The following SPECC1 variants were observed in gnomAD, a reference collection of about 807,000 sequenced individuals.
The protein encoded by SPECC1 is sperm antigen with calponin homology and coiled-coil domains 1.
Under a neutral mutation model 104.1 loss-of-function variants are expected in SPECC1, and 62 were observed. The observed-to-expected ratio is 0.60, with a 90% CI of 0.49 to 0.74. The LOEUF (loss-of-function observed/expected upper bound fraction) is 0.74, where lower values mean the gene tolerates loss of function less well. Ranked by LOEUF, SPECC1 falls within the 30% of genes least tolerant of loss-of-function variation. SPECC1 has a pLI of 0.00. For missense variants in SPECC1, 1,306 were observed against 1,310.5 expected (o/e 1.00, Z 0.05); for synonymous variants, 513 against 501.6 (o/e 1.02, Z -0.30).
intron 3 of SPECC1, among the ~76,000 whole-genome samples, chr17:20,190,367 A>G (rs2035580429): frequency 6.7e-6 from 1 of 149,878 alleles, no homozygotes; most frequent in Admixed American, 6.7e-5. Context: ...GAACCAGGAC[A>G]AGGAGCTTAT....
At chr17:20,021,191 C>T (rs1292350056) in intron 1 of SPECC1, among the ~76,000 whole-genome samples, 1 of 151,850 alleles carries the variant, frequency 6.6e-6, no homozygotes. Flanking sequence ...AGGGGTTGGT[C>T]TTGCTGTCTT....
At chr17:20,287,000 T>G (rs1170439986) in intron 12 of SPECC1, among the ~76,000 whole-genome samples, 1 of 152,214 alleles carries the variant, frequency 6.6e-6, no homozygotes, top group Non-Finnish European at 1.5e-5. Flanking sequence ...CCCCTTGCAC[T>G]CCTTAGGCCA....
chr17:20,201,297 T>TA (rs562224075), intron 3 of SPECC1, among the ~76,000 whole-genome samples: 8,828 of 133,336 alleles, frequency 0.066, 657 homozygotes, highest in African/African-American at 0.19. Context: ...CCATCTCTAC[T>TA]AAAAAAAAAA....
chr17:20,151,257 T>C (rs1383685622), intron 3 of SPECC1, among the ~76,000 whole-genome samples: 1 of 152,224 alleles, frequency 6.6e-6, no homozygotes, highest in Non-Finnish European at 1.5e-5. Flanking sequence ...TTTACCAGGC[T>C]AGTGATATGT....
At chr17:20,107,600 G>A (rs1451630446) in intron 2 of SPECC1, among the ~76,000 whole-genome samples, 1 of 151,942 alleles carries the variant, frequency 6.6e-6, no homozygotes, top group Non-Finnish European at 1.5e-5. Context: ...GGGATTACAG[G>A]CATGTGTCAC....
At chr17:20,229,669 A>G (rs1171382319) in intron 5 of SPECC1, among the ~76,000 whole-genome samples, 1 of 152,204 alleles carries the variant, frequency 6.6e-6, no homozygotes, top group Non-Finnish European at 1.5e-5. Context: ...GCAAGACTGC[A>G]TCTCTAAAAA....
At chr17:20,162,146 T>A (rs918613244) in intron 3 of SPECC1, among the ~76,000 whole-genome samples, 1 of 151,074 alleles carries the variant, frequency 6.6e-6, no homozygotes, top group Non-Finnish European at 1.5e-5. Context: ...TTTTTTATTT[T>A]TTTATATATA....
At chr17:20,104,817 A>G (rs1049207103) in intron 2 of SPECC1, among the ~76,000 whole-genome samples, 3 of 151,468 alleles carry the variant, frequency 2.0e-5, no homozygotes, top group Admixed American at 1.3e-4. Flanking sequence ...CCAGATCCAA[A>G]CCTTTCCAGG....
chr17:20,302,231 T>G (rs2041612731), intron 13 of SPECC1, among the ~76,000 whole-genome samples: 1 of 152,232 alleles, frequency 6.6e-6, no homozygotes. Context: ...CAATCCCTGC[T>G]GGTGACTAAG....
chr17:20,282,423 A>T (rs2040804673), intron 12 of SPECC1, among the ~76,000 whole-genome samples: 1 of 152,232 alleles, frequency 6.6e-6, no homozygotes, highest in Non-Finnish European at 1.5e-5. Context: ...TTCAGTGTGG[A>T]TAAAAGAGTG....
intron 2 of SPECC1, among the ~76,000 whole-genome samples, chr17:20,101,195 TG>T (rs2047929359): frequency 6.6e-6 from 1 of 152,216 alleles, no homozygotes; most frequent in Non-Finnish European, 1.5e-5. Flanking sequence ...ATGAGATTGC[TG>T]GGTCAAATGG....
chr17:20,287,012 C>T (rs1266654632), intron 12 of SPECC1, among the ~76,000 whole-genome samples: 1 of 152,252 alleles, frequency 6.6e-6, no homozygotes, highest in African/African-American at 2.4e-5. Context: ...CTTAGGCCAT[C>T]GGCTGCCGTC....
intron 3 of SPECC1, among the ~76,000 whole-genome samples, chr17:20,134,443 C>T (rs1027590604): frequency 1.3e-5 from 2 of 151,910 alleles, no homozygotes; most frequent in East Asian, 3.9e-4. Context: ...TACTCAGCTC[C>T]CATGCTGACC....
chr17:20,260,175 C>T lies in SPECC1; in HGVS notation c.2838-17C>T. ...ATTAGCATCTTCTCCTTACCATGTGCTCTTCTTTCTAACCAGTGTGGAAAG... is the reference window on the plus strand; with the variant it reads ...ATTAGCATCTTCTCCTTACCATGTGTTCTTCTTTCTAACCAGTGTGGAAAG... On this transcript the variant is annotated splice_polypyrimidine_tract_variant and intron_variant, in intron 11 of 14. Coordinates refer to ENST00000395527, the MANE Select transcript of SPECC1 (RefSeq NM_001243439.2). 1 of 1,599,324 alleles carries T rather than the reference C, an allele frequency of 6.3e-7. No individual in the cohort carries two copies. The highest frequency in any genetic ancestry group is 8.6e-7 in the Non-Finnish European group (1 of 1,168,740).
intron 2 of SPECC1, among the ~76,000 whole-genome samples, chr17:20,099,907 A>G (rs1597698246): frequency 6.6e-6 from 1 of 152,068 alleles, no homozygotes; most frequent in Non-Finnish European, 1.5e-5. Context: ...TCCAGGACCC[A>G]CTGTGGATAC....
rs141555953 is a variant in SPECC1, at chr17:20,205,835, C to T, written c.1786C>T (p.Leu596=). 1 of 1,614,062 alleles carries T rather than the reference C, an allele frequency of 6.2e-7. No individual in the cohort carries two copies. The highest frequency in any genetic ancestry group is 8.5e-7 in the Non-Finnish European group (1 of 1,180,038). The change falls in exon 4 of 15, where the codon CTG becomes TTG. Residue 596 remains leucine (L), a synonymous_variant. Transcript: ENST00000395527. ...VARAEKDLLE[L]SCNELRQELL... ...CCGAGCAGAGAAAGATCTACTGGAA[C>T]TGTCTTGCAATGAGCTCAGACAAGA... is the stretch of plus-strand genomic sequence containing the variant.
chr17:20,296,878 C>G (rs1015277615), intron 12 of SPECC1, 83 bp from the exon 13 acceptor site: 16 of 1,263,930 alleles, frequency 1.3e-5, no homozygotes, highest in East Asian at 1.2e-4. Context: ...TGTGTAGATT[C>G]CCATCTTATC....
chr17:20,310,645 T>C (rs946821841), intron 14 of SPECC1, among the ~76,000 whole-genome samples: 9 of 152,212 alleles, frequency 5.9e-5, no homozygotes, highest in Admixed American at 5.2e-4. Flanking sequence ...GCTGTGTCTT[T>C]ACCAGGCCAT....
intron 7 of SPECC1, chr17:20,238,683 C>T (rs2039053283): frequency 9.6e-7 from 1 of 1,039,306 alleles, no homozygotes; most frequent in South Asian, 4.6e-5. Context: ...ATATTTTGGG[C>T]ACTCTTTACC....
Sources: gnomAD v4.1 joint callset for allele counts (sites outside exome capture counted in the v4.1 genomes callset) on GRCh38, gnomAD v4.1.1 for gene constraint, MANE v1.5 for transcripts, NCBI Gene and HGNC (gene_info 2026-07-23, HGNC 2026-07-21) for gene names.